Variants in SLC14A2 observed in about 807,000 individuals in gnomAD.
SLC14A2 encodes the protein solute carrier family 14 member 2.
In SLC14A2, 91 loss-of-function variants were observed where a neutral mutation model predicts 104.6. The ratio of observed to expected loss-of-function variants is 0.87; its 90% CI spans 0.73 to 1.04. The LOEUF (loss-of-function observed/expected upper bound fraction) is 1.04. SLC14A2 is among the 50% of genes least tolerant of loss of function. The probability of loss-of-function intolerance (pLI) is 0.00; values close to 1 mark genes in which losing one functional copy is unlikely to be tolerated. For missense variants in SLC14A2, 1,189 were observed against 1,156.0 expected, an observed-to-expected ratio of 1.03 and a Z score of -0.41; for synonymous variants, 476 against 466.4, an observed-to-expected ratio of 1.02 and a Z score of -0.27.
chr18:45,473,320 G>A (rs1050684441), intron 1 of SLC14A2, among the ~76,000 whole-genome samples: 57 of 152,054 alleles, frequency 3.7e-4, no homozygotes, highest in African/African-American at 1.2e-3. Flanking sequence ...TCATGCCTCC[G>A]GCTTTGTTCT....
intron 2 of SLC14A2, among the ~76,000 whole-genome samples, chr18:45,494,117 C>T (rs780602733): frequency 2.6e-5 from 4 of 152,076 alleles, no homozygotes; most frequent in Admixed American, 6.5e-5. Context: ...TCCAGAGTGG[C>T]GGTATAGGAA....
chr18:45,445,163 G>A (rs967612868), intron 1 of SLC14A2, among the ~76,000 whole-genome samples: 2 of 139,606 alleles, frequency 1.4e-5, no homozygotes, highest in Non-Finnish European at 3.0e-5. Context: ...CCAGGCTGAA[G>A]TGCAGTGGCA....
chr18:45,465,761 G>C (rs2087129661), intron 1 of SLC14A2, among the ~76,000 whole-genome samples: 1 of 152,194 alleles, frequency 6.6e-6, no homozygotes, highest in African/African-American at 2.4e-5. Flanking sequence ...AGCTATGACG[G>C]GAGGAGCAGC....
Position 45,226,992 on chromosome 18 carries a change from T to C in SLC14A2, c.-125+13801T>C, listed in dbSNP as rs182975040. Among the ~76,000 whole-genome samples the C allele has an allele frequency of 8.3e-4, 127 of 152,252 alleles. 1 individual carries two copies. The highest frequency in any genetic ancestry group is 4.6e-3 in the South Asian group (22 of 4,824). ...CCTTTTGCTCATGCTCAGCACCTTC[T>C]TGTCACAAGAAGGCTGTGCACCTCC... is the stretch of plus-strand genomic sequence containing the variant. On this transcript the variant is annotated intron_variant, in intron 1 of 20. Coordinates refer to the SLC14A2 transcript ENST00000586448.
At position 45,643,028 on chromosome 18, in the gene SLC14A2, G is replaced by T. The variant is rs909073672; in HGVS notation, c.1127-104G>T. 8.5e-6 allele frequency: 8 copies of T among 943,422 alleles called. No homozygotes were observed. The Admixed American group carries it at 1.1e-4, about 13-fold the overall frequency. The allele number at this position is 943,422 out of a possible 1,614,324, so 58.4% of individuals were successfully genotyped here. Reference sequence around the variant, plus strand: ...GCAGAATCTGAGGCTGCAGGAGAGAGGGTGGGGCTCCTGTTCTTGGTCTGG... The same window carrying T: ...GCAGAATCTGAGGCTGCAGGAGAGATGGTGGGGCTCCTGTTCTTGGTCTGG... On this transcript the variant is annotated intron_variant, in intron 8 of 19. Transcript: ENST00000255226.
chr18:45,377,299 A>T (rs547918205), intron 1 of SLC14A2, among the ~76,000 whole-genome samples: 15 of 151,162 alleles, frequency 9.9e-5, no homozygotes, highest in African/African-American at 3.7e-4. Flanking sequence ...AAACACAGAT[A>T]TTCTCCCCAA....
the SLC14A2 span, among the ~76,000 whole-genome samples, chr18:45,191,840 TA>T: frequency 5.5e-4 from 83 of 152,204 alleles, no homozygotes; most frequent in African/African-American, 2.0e-3. Context: ...AAATCATGAG[TA>T]GATCTGGAAA....
chr18:45,324,190 C>T (rs2085212054), intron 1 of SLC14A2, among the ~76,000 whole-genome samples: 2 of 152,038 alleles, frequency 1.3e-5, no homozygotes, highest in Admixed American at 6.5e-5. Flanking sequence ...CAAAGTAGAA[C>T]ACTCTGTTAA....
chr18:45,681,803 GA>G (rs1265998932), intron 19 of SLC14A2, among the ~76,000 whole-genome samples: 2 of 152,340 alleles, frequency 1.3e-5, no homozygotes, highest in East Asian at 3.9e-4. Flanking sequence ...AACTATTCAA[GA>G]GAGGGATTCT....
chr18:45,387,138 A>G (rs1465548848), intron 1 of SLC14A2, among the ~76,000 whole-genome samples: 1 of 152,202 alleles, frequency 6.6e-6, no homozygotes, highest in Non-Finnish European at 1.5e-5. Flanking sequence ...TCTCTCCATA[A>G]GAATTTTGCT....
intron 1 of SLC14A2, among the ~76,000 whole-genome samples, chr18:45,479,312 A>G (rs1374082684): frequency 6.6e-6 from 1 of 152,234 alleles, no homozygotes; most frequent in African/African-American, 2.4e-5. Flanking sequence ...ATGTTTGTTA[A>G]TATTAATAGC....
chr18:45,544,253 G>A (rs991590696), intron 2 of SLC14A2, among the ~76,000 whole-genome samples: 4 of 152,152 alleles, frequency 2.6e-5, no homozygotes, highest in African/African-American at 9.7e-5. Flanking sequence ...TTTCTTCTGT[G>A]ATCATCCCAG....
At chr18:45,169,947 A>G in the SLC14A2 span, among the ~76,000 whole-genome samples, 3 of 152,140 alleles carry the variant, frequency 2.0e-5, no homozygotes, top group African/African-American at 7.2e-5. Flanking sequence ...ACAACCTAAA[A>G]AGAACTAAGT....
chr18:45,220,096 C>T (rs559904779), intron 1 of SLC14A2, among the ~76,000 whole-genome samples: 1 of 132,634 alleles, frequency 7.5e-6, no homozygotes, highest in East Asian at 2.0e-4. Context: ...TGAGTGTCCA[C>T]CTTAGACTTA....
chr18:45,255,375 G>C, intron 1 of SLC14A2, among the ~76,000 whole-genome samples: 1 of 152,314 alleles, frequency 6.6e-6, no homozygotes, highest in East Asian at 1.9e-4. Context: ...GAGCAAGATG[G>C]CTCTTTACAG....
At chr18:45,182,761 T>A in the SLC14A2 span, among the ~76,000 whole-genome samples, 8 of 152,238 alleles carry the variant, frequency 5.3e-5, no homozygotes, top group South Asian at 1.7e-3. Context: ...ATCACACAGT[T>A]GTCTGAAAAG....
At chr18:45,586,716 C>T (rs1289007354) in intron 2 of SLC14A2, among the ~76,000 whole-genome samples, 1 of 152,070 alleles carries the variant, frequency 6.6e-6, no homozygotes, top group Non-Finnish European at 1.5e-5. Context: ...GGTCCCTTTC[C>T]TCCATCTCCC....
intron 2 of SLC14A2, among the ~76,000 whole-genome samples, chr18:45,500,053 A>C (rs2043166719): frequency 6.6e-6 from 1 of 152,208 alleles, no homozygotes; most frequent in African/African-American, 2.4e-5. Context: ...TTAATCATGG[A>C]TAATATAATT....
chr18:45,213,610 C>T (rs16978303), intron 1 of SLC14A2, among the ~76,000 whole-genome samples: 16,588 of 152,108 alleles, frequency 0.11, 921 homozygotes, highest in Non-Finnish European at 0.12. Flanking sequence ...CCATTCAAAA[C>T]GTTAAAGGTG....
Sources: gnomAD v4.1 joint callset for allele counts (sites outside exome capture counted in the v4.1 genomes callset) on GRCh38, gnomAD v4.1.1 for gene constraint, MANE v1.5 for transcripts, NCBI Gene and HGNC (gene_info 2026-07-23, HGNC 2026-07-21) for gene names.